The following CIB4 variants were observed in gnomAD, a reference collection of about 807,000 sequenced individuals.
CIB4 encodes the protein calcium and integrin-binding family member 4.
Under a neutral mutation model 25.8 loss-of-function variants are expected in CIB4, and 25 were observed. The ratio of observed to expected loss-of-function variants is 0.97; its 90% CI spans 0.71 to 1.35. The LOEUF (loss-of-function observed/expected upper bound fraction) is 1.35, where lower values mean the gene tolerates loss of function less well. Ranked by LOEUF, CIB4 falls within the 40% of genes most tolerant of loss-of-function variation. The pLI, the probability that CIB4 is intolerant of heterozygous loss-of-function variation, is 0.00. For synonymous variants in CIB4, 75 were observed against 81.4 expected (o/e 0.92, Z 0.42); for missense variants, 235 against 228.2 (o/e 1.03, Z -0.19).
intron 3 of CIB4, among the ~76,000 whole-genome samples, chr2:26,609,829 G>T (rs560844618): frequency 5.3e-5 from 8 of 152,124 alleles, no homozygotes; most frequent in African/African-American, 1.9e-4. Flanking sequence ...GTTTTCCCAC[G>T]GAAAACACAA....
Position 26,593,081 on chromosome 2 carries a change from G to T in CIB4, c.328+2095C>A, listed in dbSNP as rs1668613782. ...CATGGAGGGTCCAACGAACAAAAAG[G>T]TGGGGGAAGGATGAATTTGTACTCT... On this transcript the variant is annotated intron_variant, in intron 4 of 6. Coordinates refer to ENST00000288861, the MANE Select transcript of CIB4 (RefSeq NM_001029881.3). 2.6e-5 allele frequency among the ~76,000 whole-genome samples: 4 copies of T among 152,178 alleles called. No individual in the cohort carries two copies. The South Asian group carries it at 8.3e-4, about 32-fold the overall frequency.
chr2:26,616,041 C>A (rs950621497), intron 3 of CIB4, among the ~76,000 whole-genome samples: 1 of 152,316 alleles, frequency 6.6e-6, no homozygotes, highest in East Asian at 1.9e-4. Flanking sequence ...AGCAAGGCTG[C>A]CGATTTCCAT....
At chr2:26,640,133 G>C (rs1669608709) in intron 2 of CIB4, among the ~76,000 whole-genome samples, 2 of 152,154 alleles carry the variant, frequency 1.3e-5, no homozygotes, top group South Asian at 4.1e-4. Flanking sequence ...GGGAGGTGGA[G>C]AGGGAAGTCT....
chr2:26,640,544 A>T lies in CIB4; in HGVS notation c.78T>A (p.Asn26Lys). The T allele has an allele frequency of 1.9e-6, 3 of 1,612,598 alleles. No individual in the cohort carries two copies. The highest frequency in any genetic ancestry group is 2.5e-6 in the Non-Finnish European group (3 of 1,179,504). Residue 26 changes from asparagine (N) to lysine (K), a missense_variant, in exon 2 of 7, where the codon AAT (asparagine) becomes AAA (lysine). Physicochemically the swap from Asn to Lys is moderately conservative, Grantham distance 94. Transcript: ENST00000288861. The stretch of plus-strand genomic sequence containing the variant: ...GGGCTTCTACTCACCACAGAATTTC[A>T]TTTCTGGTCAGGAAGGTCAGGGCCT... ...EYQALTFLTRNEILCIHDTFL... is the reference protein window; with the variant it reads ...EYQALTFLTRKEILCIHDTFL...
At chr2:26,582,014 C>T (rs1489680254) in intron 6 of CIB4, among the ~76,000 whole-genome samples, 1 of 152,232 alleles carries the variant, frequency 6.6e-6, no homozygotes, top group Non-Finnish European at 1.5e-5. Context: ...ACAGCTGGTG[C>T]ACAGCACAGA....
At chr2:26,637,332 G>A (rs143822319) in intron 2 of CIB4, among the ~76,000 whole-genome samples, 87 of 152,206 alleles carry the variant, frequency 5.7e-4, no homozygotes, top group Non-Finnish European at 4.1e-4. Flanking sequence ...AGCTAAGTCT[G>A]CGTCATGGGT....
At chr2:26,589,106 TC>T (rs2148191610) in intron 4 of CIB4, among the ~76,000 whole-genome samples, 1 of 90,722 alleles carries the variant, frequency 1.1e-5, no homozygotes, top group African/African-American at 5.1e-5. Context: ...TTCTTCTTCT[TC>T]CTCTTCTTCT....
chr2:26,602,186 C>T (rs1668805068), intron 3 of CIB4, among the ~76,000 whole-genome samples: 2 of 152,234 alleles, frequency 1.3e-5, no homozygotes, highest in East Asian at 3.9e-4. Context: ...GCAAATGAAA[C>T]CAACTGTATT....
intron 4 of CIB4, among the ~76,000 whole-genome samples, chr2:26,587,642 A>T (rs1217851659): frequency 6.6e-6 from 1 of 152,210 alleles, no homozygotes; most frequent in Non-Finnish European, 1.5e-5. Flanking sequence ...TATATCTAAT[A>T]AGCATCTTCT....
intron 4 of CIB4, among the ~76,000 whole-genome samples, chr2:26,589,066 C>CTCTTCTTCTTCTTCTTCTTCT (rs1365384371): frequency 8.6e-5 from 4 of 46,364 alleles, no homozygotes; most frequent in East Asian, 9.5e-4. Flanking sequence ...CTTCCTCTTC[C>CTCTTCTTCTTCTTCTTCTTCT]TCTTCCTCTT....
chr2:26,584,017 G>A lies in CIB4; in HGVS notation c.329-119C>T, dbSNP rs561091186. The A allele has an allele frequency of 6.1e-6, 4 of 654,640 alleles. No individual in the cohort carries two copies. The East Asian group carries it at 1.1e-4, about 18-fold the overall frequency. The allele number at this position is 654,640 out of a possible 1,614,324, so 40.6% of individuals were successfully genotyped here. A position where few individuals can be genotyped will look rare whatever the true frequency, so the allele number is the denominator to read the frequency against. ...ACCCCACAGATGCCCATTAGCCTCT[G>A]GGAGGCCCCCCAGAGCCCAACTCTC... On this transcript the variant is annotated intron_variant, in intron 4 of 6. Coordinates refer to ENST00000288861, the MANE Select transcript of CIB4 (RefSeq NM_001029881.3).
rs551356583 is a variant in CIB4, at chr2:26,619,705, G to A, written c.186+9705C>T. ...TAACCCAGCAGATTTGAGGAAGCAG[G>A]ACCCAAAGCCCACAGCGGGGAAGGT... is the stretch of plus-strand genomic sequence containing the variant. On this transcript the variant is annotated intron_variant, in intron 3 of 6. Coordinates refer to ENST00000288861, the MANE Select transcript of CIB4 (RefSeq NM_001029881.3). Among the ~76,000 whole-genome samples, 15 of 152,252 alleles carry A rather than the reference G, an allele frequency of 9.9e-5. No individual in the cohort carries two copies. The East Asian group carries it at 2.9e-3, about 29-fold the overall frequency.
At chr2:26,603,621 C>T (rs925450319) in intron 3 of CIB4, among the ~76,000 whole-genome samples, 16 of 152,096 alleles carry the variant, frequency 1.1e-4, no homozygotes, top group African/African-American at 3.9e-4. Flanking sequence ...CCTAACCATA[C>T]AAAATTTACA....
intron 4 of CIB4, among the ~76,000 whole-genome samples, chr2:26,584,362 G>T (rs567477655): frequency 4.6e-5 from 7 of 152,262 alleles, no homozygotes; most frequent in Non-Finnish European, 7.4e-5. Context: ...CTGGGAGCCA[G>T]GCAGTGTGGA....
rs914045433 is a variant in CIB4, at chr2:26,627,534, G to A, written c.186+1876C>T. 2.0e-5 allele frequency among the ~76,000 whole-genome samples: 3 copies of A among 152,164 alleles called. No individual in the cohort carries two copies. Among genetic ancestry groups the A allele is most frequent in the Admixed American group, 6.5e-5 (1 of 15,286 alleles). On this transcript the variant is annotated intron_variant, in intron 3 of 6. Coordinates refer to ENST00000288861, the MANE Select transcript of CIB4 (RefSeq NM_001029881.3). This position sits in a 1 kb window ranked among gnomAD's most constrained non-coding sequence, Gnocchi z 4.0. ...TGGCCCTGACCCCGGGTCCCTTAGT[G>A]GATGGCCTGGGTTTGAGAGAAGTCC...
chr2:26,605,502 C>T, intron 3 of CIB4: 1 of 471,086 alleles, frequency 2.1e-6, no homozygotes, highest in South Asian at 1.5e-5. Context: ...CTGGACTCAC[C>T]TGCGAACAGG....
At chr2:26,603,705 A>C (rs930042487) in intron 3 of CIB4, among the ~76,000 whole-genome samples, 1 of 152,186 alleles carries the variant, frequency 6.6e-6, no homozygotes, top group Admixed American at 6.5e-5. Context: ...CCAGTAGAAA[A>C]ATCAGCTAAA....
chr2:26,584,306 G>T (rs1305638984), intron 4 of CIB4, among the ~76,000 whole-genome samples: 1 of 152,208 alleles, frequency 6.6e-6, no homozygotes, highest in African/African-American at 2.4e-5. Context: ...CCTGCGCTTT[G>T]CAACTCTCCA....
intron 3 of CIB4, 69 bp from the exon 4 acceptor site, chr2:26,595,386 C>G: frequency 6.6e-7 from 1 of 1,524,728 alleles, no homozygotes; most frequent in Non-Finnish European, 9.0e-7. Context: ...GGGTCTCTCT[C>G]ATCTATTACA....
Sources: allele counts gnomAD v4.1 joint callset (sites outside exome capture counted in the v4.1 genomes callset), GRCh38; gene constraint gnomAD v4.1.1; non-coding constraint Gnocchi (gnomAD v3.1); transcripts MANE v1.5; gene names NCBI Gene and HGNC (gene_info 2026-07-23, HGNC 2026-07-21).